The following MDGA1 variants were observed in gnomAD, a reference collection of about 807,000 sequenced individuals.
The protein encoded by MDGA1 is MAM domain-containing glycosylphosphatidylinositol anchor protein 1.
MDGA1 carries 54 observed loss-of-function variants against 101.5 expected under a neutral mutation model. The observed-to-expected ratio is 0.53, with a 90% CI of 0.43 to 0.67. The LOEUF (loss-of-function observed/expected upper bound fraction) is 0.67, where lower values mean the gene tolerates loss of function less well. Ranked by LOEUF, MDGA1 falls within the 30% of genes least tolerant of loss-of-function variation. MDGA1 has a pLI of 0.00. For synonymous variants in MDGA1, 533 were observed against 558.3 expected (o/e 0.95, Z 0.64); for missense variants, 1,083 against 1,323.8 (o/e 0.82, Z 2.82).
chr6:37,638,178 C>T lies in MDGA1; in HGVS notation c.2776+27G>A, dbSNP rs760818451. The stretch of plus-strand genomic sequence containing the variant: ...CACGCACAGCTCCCTCCAGATTCAG[C>T]TCCCCCACCTCCTTCCCGTCTTGCA... On this transcript the variant is annotated intron_variant, in intron 16 of 16. Coordinates refer to ENST00000434837, the MANE Select transcript of MDGA1 (RefSeq NM_153487.4). This position sits in a 1 kb window ranked among gnomAD's most constrained non-coding sequence, Gnocchi z 4.8. The T allele has an allele frequency of 6.3e-7, 1 of 1,594,448 alleles. No individual in the cohort carries two copies. The highest frequency in any genetic ancestry group is 1.7e-5 in the Admixed American group (1 of 59,912).
chr6:37,651,121 CA>C (rs1439445532), intron 7 of MDGA1, among the ~76,000 whole-genome samples: 1 of 152,228 alleles, frequency 6.6e-6, no homozygotes, highest in Non-Finnish European at 1.5e-5. Context: ...CTTGGTGGAG[CA>C]GAGCCCCTAT....
chr6:37,680,723 A>G (rs1581625217), intron 1 of MDGA1, among the ~76,000 whole-genome samples: 1 of 151,964 alleles, frequency 6.6e-6, no homozygotes, highest in Non-Finnish European at 1.5e-5. Flanking sequence ...AAAGGTGCCA[A>G]CTCCCCTCTG....
At chr6:37,648,328 G>T (rs1481068688) in intron 9 of MDGA1, 1 of 152,818 alleles carries the variant, frequency 6.5e-6, no homozygotes, top group Non-Finnish European at 1.5e-5. Flanking sequence ...CTCCCGAAGG[G>T]TTCCCCATCT....
intron 7 of MDGA1, 65 bp downstream of exon 7, chr6:37,651,946 C>T: frequency 7.3e-7 from 1 of 1,376,528 alleles, no homozygotes; most frequent in Non-Finnish European, 9.7e-7. Flanking sequence ...TGCCTCCCCA[C>T]TACCTCCTGT....
Position 37,696,610 on chromosome 6 carries a change from G to C in MDGA1, c.67+135C>G, listed in dbSNP as rs1252275612. On this transcript the variant is annotated intron_variant, in intron 1 of 16. Coordinates refer to ENST00000434837, the MANE Select transcript of MDGA1 (RefSeq NM_153487.4). The surrounding 1 kb of genome is among the most constrained non-coding windows in gnomAD (Gnocchi z 5.6). ...TAGCTCGGTCTCCACGCGCCCTGGAGAGGGCGGGGACGCGGGCATCCACTC... is the reference window on the plus strand; with the variant it reads ...TAGCTCGGTCTCCACGCGCCCTGGACAGGGCGGGGACGCGGGCATCCACTC... The C allele has an allele frequency of 3.7e-6, 3 of 821,012 alleles. No homozygotes were observed. The highest frequency in any genetic ancestry group is 5.4e-5 in the East Asian group (2 of 37,094). 50.9% of individuals were successfully genotyped at this position (821,012 alleles called of 1,614,324 possible).
At position 37,644,050 on chromosome 6, in the gene MDGA1, G is replaced by GCCCCACGCATCCTGCCTCA. The variant is rs1413498453; in HGVS notation, c.2402-126_2402-108dup. The GCCCCACGCATCCTGCCTCA allele has an allele frequency of 1.8e-5, 26 of 1,413,556 alleles. 8 individuals are homozygous for GCCCCACGCATCCTGCCTCA. Among genetic ancestry groups the GCCCCACGCATCCTGCCTCA allele is most frequent in the Middle Eastern group, 2.5e-4 (1 of 3,946 alleles). 87.6% of individuals were successfully genotyped at this position (1,413,556 alleles called of 1,614,324 possible). A position where few individuals can be genotyped will look rare whatever the true frequency, so the allele number is the denominator to read the frequency against. On this transcript the variant is annotated intron_variant, in intron 13 of 16. Coordinates refer to ENST00000434837, the MANE Select transcript of MDGA1 (RefSeq NM_153487.4). ...CTGCGGGCTGAATCTGAAGTGCCTC[G>GCCCCACGCATCCTGCCTCA]CCCCACGCATCCTGCCTCACCCCAC...
chr6:37,674,644 G>A (rs1761940328), intron 1 of MDGA1, among the ~76,000 whole-genome samples: 1 of 152,200 alleles, frequency 6.6e-6, no homozygotes, highest in East Asian at 1.9e-4. Flanking sequence ...CCCACTTATA[G>A]AACTAGAGGG....
chr6:37,678,922 C>T (rs1488718543), intron 1 of MDGA1, among the ~76,000 whole-genome samples: 1 of 151,904 alleles, frequency 6.6e-6, no homozygotes, highest in Non-Finnish European at 1.5e-5. Flanking sequence ...TTTCAAAAGG[C>T]GAGCACCCCT....
chr6:37,660,440 TCTTTGTCTTC>T (rs1360367806), intron 2 of MDGA1, among the ~76,000 whole-genome samples: 1 of 152,208 alleles, frequency 6.6e-6, no homozygotes, highest in Admixed American at 6.5e-5. Context: ...ATCTCCTGTC[TCTTTGTCTTC>T]CCTGGACTCC....
Position 37,664,842 on chromosome 6 carries a change from G to GACACACACACACACACAC in MDGA1, c.68-754_68-737dup, listed in dbSNP as rs35594367. ...TTTGCTTTTAGAGAGCCTAACCTAA[G>GACACACACACACACACAC]ACACACACACACACACACACACACA... On this transcript the variant is annotated intron_variant, in intron 1 of 16. Coordinates refer to ENST00000434837, the MANE Select transcript of MDGA1 (RefSeq NM_153487.4). 8.3e-4 allele frequency among the ~76,000 whole-genome samples: 46 copies of GACACACACACACACACAC among 55,258 alleles called. 4 individuals carry two copies. Among genetic ancestry groups the GACACACACACACACACAC allele is most frequent in the East Asian group, 3.5e-3 (3 of 862 alleles). 36.3% of individuals were successfully genotyped at this position (55,258 alleles called of 152,430 possible). A position where few individuals can be genotyped will look rare whatever the true frequency, so the allele number is the denominator to read the frequency against.
intron 1 of MDGA1, among the ~76,000 whole-genome samples, chr6:37,683,025 G>A (rs1429340290): frequency 6.6e-6 from 1 of 152,184 alleles, no homozygotes. Flanking sequence ...TGCCTACAGG[G>A]AGAAGGAGCA....
chr6:37,640,286 A>G (rs562029875), intron 14 of MDGA1, among the ~76,000 whole-genome samples: 2 of 152,170 alleles, frequency 1.3e-5, no homozygotes, highest in Non-Finnish European at 2.9e-5. Context: ...CTATCCAGGC[A>G]CTAGCATACA....
chr6:37,638,156 G>A lies in MDGA1; in HGVS notation c.2776+49C>T, dbSNP rs79792089. ...CTCAACAGACAGGAACCCCCGCCACGCACAGCTCCCTCCAGATTCAGCTCC... is the reference window on the plus strand; with the variant it reads ...CTCAACAGACAGGAACCCCCGCCACACACAGCTCCCTCCAGATTCAGCTCC... On this transcript the variant is annotated intron_variant, in intron 16 of 16. Transcript: ENST00000434837. This position sits in a 1 kb window ranked among gnomAD's most constrained non-coding sequence, Gnocchi z 4.8. 19,424 of 1,512,868 alleles carry A rather than the reference G, an allele frequency of 0.013. 226 individuals carry two copies. Among genetic ancestry groups the A allele is most frequent in the South Asian group, 0.041 (3,616 of 88,012 alleles). 93.7% of individuals were successfully genotyped at this position (1,512,868 alleles called of 1,614,324 possible).
At position 37,638,692 on chromosome 6, in the gene MDGA1, G is replaced by A. The variant is rs1188810281; in HGVS notation, c.2537-25C>T. ...CCTGCGGTGGGTGTGAAGACAGTGG[G>A]CAGTGAGATCTGGCCAGGGCACCCT... On this transcript the variant is annotated intron_variant, in intron 14 of 16. Transcript: ENST00000434837. This position sits in a 1 kb window ranked among gnomAD's most constrained non-coding sequence, Gnocchi z 4.8. 6.2e-7 allele frequency: 1 copy of A among 1,602,608 alleles called. No individual in the cohort carries two copies. The highest frequency in any genetic ancestry group is 1.3e-5 in the African/African-American group (1 of 74,656).
intron 1 of MDGA1, among the ~76,000 whole-genome samples, chr6:37,680,500 G>A (rs753062913): frequency 8.5e-5 from 13 of 152,250 alleles, no homozygotes; most frequent in Admixed American, 6.5e-4. Flanking sequence ...GAAGACGACC[G>A]GACCCTGCAA....
Position 37,638,345 on chromosome 6 carries a change from G to T in MDGA1, c.2668-32C>A. ...TGGGGTCAGAAAGCAAGGAGCAAGG[G>T]TTGAGGAGGTTCTGCTGGGTACCAG... On this transcript the variant is annotated intron_variant, in intron 15 of 16. Transcript: ENST00000434837. The surrounding 1 kb of genome is among the most constrained non-coding windows in gnomAD (Gnocchi z 4.8). 8 of 1,566,694 alleles carry T rather than the reference G, an allele frequency of 5.1e-6. No individual in the cohort carries two copies. The highest frequency in any genetic ancestry group is 7.0e-6 in the Non-Finnish European group (8 of 1,150,160).
chr6:37,647,972 C>T lies in MDGA1; in HGVS notation c.1895-648G>A, dbSNP rs190628779. 1.0e-3 allele frequency among the ~76,000 whole-genome samples: 155 copies of T among 152,272 alleles called. 1 individual carries two copies. Among genetic ancestry groups the T allele is most frequent in the African/African-American group, 3.6e-3 (148 of 41,548 alleles). On this transcript the variant is annotated intron_variant, in intron 9 of 16. Coordinates refer to ENST00000434837, the MANE Select transcript of MDGA1 (RefSeq NM_153487.4). The stretch of plus-strand genomic sequence containing the variant: ...ATGCCACTGAATGGGGGACAGACAT[C>T]CCCAGGCTCTGCTCCAGGGGCGCTG...
chr6:37,646,638 A>C (rs2114010817), intron 10 of MDGA1, among the ~76,000 whole-genome samples: 1 of 152,322 alleles, frequency 6.6e-6, no homozygotes, highest in Non-Finnish European at 1.5e-5. Context: ...AAGGAAACTG[A>C]GGCCAAAGAG....
At chr6:37,640,728 A>G (rs1764049989) in intron 14 of MDGA1, among the ~76,000 whole-genome samples, 1 of 151,828 alleles carries the variant, frequency 6.6e-6, no homozygotes, top group African/African-American at 2.4e-5. Context: ...AGGGGAGGGG[A>G]CGGTGAAAAA....
Sources: allele counts gnomAD v4.1 joint callset (sites outside exome capture counted in the v4.1 genomes callset), GRCh38; gene constraint gnomAD v4.1.1; non-coding constraint Gnocchi (gnomAD v3.1); transcripts MANE v1.5; gene names NCBI Gene and HGNC (gene_info 2026-07-23, HGNC 2026-07-21).